HDAC9: variants seen among roughly 807,000 people sequenced by gnomAD.
HDAC9 encodes histone deacetylase 9.
In HDAC9, 41 loss-of-function variants were observed where a neutral mutation model predicts 139.4. The ratio of observed to expected loss-of-function variants is 0.29; its 90% confidence interval spans 0.23 to 0.38. HDAC9 has a LOEUF of 0.38. Ranked by LOEUF, HDAC9 falls within the 10% of genes least tolerant of loss-of-function variation. The pLI, the probability that HDAC9 is intolerant of heterozygous loss-of-function variation, is 1.00. For synonymous variants in HDAC9, 517 were observed against 476.2 expected, an observed-to-expected ratio of 1.09 and a Z score of -1.12; for missense variants, 1,147 against 1,297.0, an observed-to-expected ratio of 0.88 and a Z score of 1.78.
chr7:18,354,527 G>T (rs892849441), intron 1 of HDAC9, among the ~76,000 whole-genome samples: 1 of 152,120 alleles, frequency 6.6e-6, no homozygotes, highest in African/African-American at 2.4e-5. Context: ...AGCAGGCCTT[G>T]TTATATTAAT....
intron 3 of HDAC9, among the ~76,000 whole-genome samples, chr7:18,588,505 A>G (rs1830066745): frequency 1.3e-5 from 2 of 152,218 alleles, no homozygotes; most frequent in Non-Finnish European, 2.9e-5. Flanking sequence ...GTAATTTTAT[A>G]CAATATTTCC....
chr7:18,474,708 C>T (rs1009107440), intron 1 of HDAC9, among the ~76,000 whole-genome samples: 1 of 152,034 alleles, frequency 6.6e-6, no homozygotes, highest in Non-Finnish European at 1.5e-5. Flanking sequence ...TCTTAATAAA[C>T]ACAGCATCAA....
chr7:18,689,423 G>T (rs1180985765), intron 12 of HDAC9, among the ~76,000 whole-genome samples: 2 of 151,888 alleles, frequency 1.3e-5, no homozygotes, highest in East Asian at 1.9e-4. Flanking sequence ...TGCTGCAGAG[G>T]ATCTAGTCTG....
At chr7:18,443,037 G>T (rs1791934043) in intron 1 of HDAC9, among the ~76,000 whole-genome samples, 3 of 152,184 alleles carry the variant, frequency 2.0e-5, no homozygotes, top group Admixed American at 6.5e-5. Flanking sequence ...CTACTGATTT[G>T]CTAGGGTATC....
chr7:18,609,854 C>T lies in HDAC9; in HGVS notation c.664+15825C>T, dbSNP rs184063846. 5.0e-3 allele frequency among the ~76,000 whole-genome samples: 748 copies of T among 148,316 alleles called. 2 individuals carry two copies. The highest frequency in any genetic ancestry group is 7.8e-3 in the Non-Finnish European group (527 of 67,382). ...GTCCAAGTGTTCTCATTGTTCAGTT[C>T]CCACCTATGAGTGAGAACATGCGGT... On this transcript the variant is annotated intron_variant, in intron 6 of 25. Transcript: ENST00000686413.
chr7:18,111,750 G>A (rs911536225), intron 1 of HDAC9, among the ~76,000 whole-genome samples: 2 of 152,090 alleles, frequency 1.3e-5, no homozygotes, highest in Middle Eastern at 3.2e-3. Context: ...CCATAGATAC[G>A]GAGGGCCAAT....
chr7:18,413,221 A>C (rs1285237188), intron 1 of HDAC9, among the ~76,000 whole-genome samples: 2 of 152,178 alleles, frequency 1.3e-5, no homozygotes, highest in Non-Finnish European at 2.9e-5. Flanking sequence ...AATGATATCA[A>C]AAAAGGAAAG....
chr7:18,990,308 T>G (rs1394867787), intron 25 of HDAC9, among the ~76,000 whole-genome samples: 1 of 152,094 alleles, frequency 6.6e-6, no homozygotes, highest in Non-Finnish European at 1.5e-5. Flanking sequence ...TACCTGGCCA[T>G]GTGAGGTGTC....
intron 1 of HDAC9, among the ~76,000 whole-genome samples, chr7:18,139,411 G>T (rs777197637): frequency 3.9e-5 from 6 of 152,148 alleles, no homozygotes; most frequent in Non-Finnish European, 7.3e-5. Flanking sequence ...ACAGGTGTGA[G>T]CCACTGTGCC....
intron 12 of HDAC9, among the ~76,000 whole-genome samples, chr7:18,700,740 G>A (rs932587453): frequency 4.6e-5 from 7 of 152,156 alleles, no homozygotes; most frequent in Admixed American, 3.9e-4. Flanking sequence ...AGAATGCTAG[G>A]GCCTCTCTCC....
chr7:18,205,430 G>A (rs545038869), intron 2 of HDAC9, among the ~76,000 whole-genome samples: 29 of 152,046 alleles, frequency 1.9e-4, no homozygotes, highest in African/African-American at 6.5e-4. Context: ...AAATTATACG[G>A]TTTCCCCACT....
At chr7:18,432,061 C>T (rs1474738396) in intron 1 of HDAC9, among the ~76,000 whole-genome samples, 1 of 152,286 alleles carries the variant, frequency 6.6e-6, no homozygotes, top group African/African-American at 2.4e-5. Context: ...TGCCTTAGCC[C>T]AGCTGTTTAG....
intron 25 of HDAC9, among the ~76,000 whole-genome samples, chr7:18,987,759 T>G (rs1785489412): frequency 6.6e-6 from 1 of 152,176 alleles, no homozygotes; most frequent in South Asian, 2.1e-4. Context: ...GTTATTGGTC[T>G]ATTCAGAGAT....
rs533850959 is a variant in HDAC9 at position 18,973,169 on chromosome 7, T to A, written c.3023-2637T>A. On this transcript the variant is annotated intron_variant, in intron 24 of 25. Transcript: ENST00000686413. ...CACCAGGGTTAAATAAAATTACAAA[T>A]TATAAATGTAGAAACACCGAGCACA... Among the ~76,000 whole-genome samples the A allele has an allele frequency of 4.6e-5, 7 of 152,264 alleles. No individual in the cohort carries two copies. The East Asian group carries it at 1.2e-3, about 25-fold the overall frequency.
At chr7:18,652,334 A>C (rs1789545724) in intron 11 of HDAC9, among the ~76,000 whole-genome samples, 1 of 152,092 alleles carries the variant, frequency 6.6e-6, no homozygotes, top group South Asian at 2.1e-4. Flanking sequence ...AAAAGTAATA[A>C]GGTATTGGTA....
intron 1 of HDAC9, among the ~76,000 whole-genome samples, chr7:18,432,508 G>T (rs1468423576): frequency 6.6e-6 from 1 of 152,200 alleles, no homozygotes; most frequent in African/African-American, 2.4e-5. Context: ...CATGATTGTA[G>T]CTATTCCTAT....
chr7:18,147,171 C>T (rs1412570313), intron 1 of HDAC9, among the ~76,000 whole-genome samples: 1 of 151,924 alleles, frequency 6.6e-6, no homozygotes. Context: ...TATTATGGTC[C>T]ATTTTGTAAA....
intron 1 of HDAC9, among the ~76,000 whole-genome samples, chr7:18,434,055 A>G (rs957157629): frequency 7.2e-5 from 11 of 152,218 alleles, no homozygotes; most frequent in African/African-American, 2.7e-4. Context: ...TGGTACTGGT[A>G]CAAAAACAGA....
intron 21 of HDAC9, among the ~76,000 whole-genome samples, chr7:18,864,392 C>T (rs1798335105): frequency 6.6e-6 from 1 of 151,632 alleles, no homozygotes; most frequent in Non-Finnish European, 1.5e-5. Flanking sequence ...TGGGGAGTTG[C>T]TCAAAGGATA....
Sources: gnomAD v4.1 joint callset for allele counts (sites outside exome capture counted in the v4.1 genomes callset) on GRCh38, gnomAD v4.1.1 for gene constraint, MANE v1.5 for transcripts, NCBI Gene and HGNC (gene_info 2026-07-23, HGNC 2026-07-21) for gene names.